OSBPL10: variants seen among roughly 807,000 people sequenced by gnomAD.
OSBPL10 encodes the protein oxysterol binding protein like 10.
Under a neutral mutation model 81.7 loss-of-function variants are expected in OSBPL10, and 49 were observed. The observed-to-expected ratio is 0.60, with a 90% CI of 0.48 to 0.76. The LOEUF is 0.76. OSBPL10 is among the 30% of genes least tolerant of loss of function. OSBPL10 has a pLI of 0.00. For missense variants in OSBPL10, 923 were observed against 987.8 expected, an observed-to-expected ratio of 0.93 and a Z score of 0.88; for synonymous variants, 419 against 383.6, an observed-to-expected ratio of 1.09 and a Z score of -1.08.
chr3:31,729,909 C>A (rs1355866354), intron 6 of OSBPL10, among the ~76,000 whole-genome samples: 1 of 152,206 alleles, frequency 6.6e-6, no homozygotes, highest in East Asian at 1.9e-4. Context: ...CCACTGCCTG[C>A]CAGCAGCACG....
chr3:32,002,736 A>G (rs773965107), intron 2 of OSBPL10, among the ~76,000 whole-genome samples: 13 of 152,214 alleles, frequency 8.5e-5, no homozygotes, highest in Non-Finnish European at 1.6e-4. Context: ...AGAAGGCACT[A>G]CTCACTCCAA....
intron 1 of OSBPL10, among the ~76,000 whole-genome samples, chr3:31,881,995 C>T (rs1041873952): frequency 6.6e-6 from 1 of 152,216 alleles, no homozygotes; most frequent in African/African-American, 2.4e-5. Context: ...CAAGTCCTTC[C>T]TTGTAACTTC....
intron 10 of OSBPL10, among the ~76,000 whole-genome samples, chr3:31,664,886 A>T (rs1294181751): frequency 1.3e-5 from 2 of 152,130 alleles, no homozygotes; most frequent in Admixed American, 6.5e-5. Context: ...TGTAGAACGC[A>T]GCCTAAAGGT....
At chr3:31,950,676 C>A (rs1017328808) in intron 1 of OSBPL10, among the ~76,000 whole-genome samples, 1 of 152,300 alleles carries the variant, frequency 6.6e-6, no homozygotes. Context: ...AGGGGAGGCA[C>A]TTGGGTCATG....
At chr3:31,684,262 A>G in intron 7 of OSBPL10, 148 bp from the exon 8 acceptor site, 4 of 1,043,388 alleles carry the variant, frequency 3.8e-6, no homozygotes, top group Non-Finnish European at 2.7e-6. Context: ...CACATGACAA[A>G]CCAAGGGAAA....
chr3:31,842,253 C>G (rs1181293737), intron 3 of OSBPL10, among the ~76,000 whole-genome samples: 2 of 152,188 alleles, frequency 1.3e-5, no homozygotes, highest in Non-Finnish European at 2.9e-5. Context: ...CTCCATATCA[C>G]CTTAGCTAAG....
chr3:31,811,092 G>C (rs1699666958), intron 4 of OSBPL10, among the ~76,000 whole-genome samples: 1 of 151,110 alleles, frequency 6.6e-6, no homozygotes, highest in African/African-American at 2.4e-5. Context: ...GTCAAAACAG[G>C]AAAAAGGCGC....
At chr3:32,046,613 GA>G (rs1353600745) in intron 1 of OSBPL10, 3 of 152,204 alleles carry the variant, frequency 2.0e-5, no homozygotes, top group African/African-American at 7.2e-5. Context: ...GCTGTGGAAG[GA>G]AAGCAAGAGA....
chr3:32,009,484 G>T (rs1699232962), intron 2 of OSBPL10, among the ~76,000 whole-genome samples: 1 of 152,070 alleles, frequency 6.6e-6, no homozygotes, highest in Non-Finnish European at 1.5e-5. Flanking sequence ...TTCCACACAG[G>T]GCTACAAGGA....
At chr3:31,885,235 CTATACA>C (rs931809620) in intron 1 of OSBPL10, among the ~76,000 whole-genome samples, 6 of 152,202 alleles carry the variant, frequency 3.9e-5, no homozygotes, top group African/African-American at 1.4e-4. Flanking sequence ...CTCACACACA[CTATACA>C]TATAAACACA....
At chr3:31,795,485 AG>A (rs1199094739) in intron 4 of OSBPL10, 1 of 178,514 alleles carries the variant, frequency 5.6e-6, no homozygotes, top group Non-Finnish European at 1.3e-5. Flanking sequence ...TTGTTCCACC[AG>A]AAGCTTTTCA....
At chr3:31,756,780 T>G (rs1423688480) in intron 4 of OSBPL10, among the ~76,000 whole-genome samples, 1 of 152,186 alleles carries the variant, frequency 6.6e-6, no homozygotes, top group Non-Finnish European at 1.5e-5. Flanking sequence ...CATTTGAAAT[T>G]TTTCATAACA....
intron 3 of OSBPL10, among the ~76,000 whole-genome samples, chr3:31,853,491 G>A (rs968652554): frequency 6.6e-6 from 1 of 152,026 alleles, no homozygotes; most frequent in Non-Finnish European, 1.5e-5. Context: ...GGTCAATGCT[G>A]GGCAGAAAGA....
intron 2 of OSBPL10, chr3:31,990,327 T>C (rs780055040): frequency 3.1e-6 from 5 of 1,614,012 alleles, no homozygotes; most frequent in Middle Eastern, 3.3e-4. Context: ...TTGCAAATCA[T>C]TGGAGAATCC....
At chr3:31,694,576 T>C (rs139382581) in intron 7 of OSBPL10, among the ~76,000 whole-genome samples, 1 of 152,228 alleles carries the variant, frequency 6.6e-6, no homozygotes, top group African/African-American at 2.4e-5. Context: ...CAGCAAGGAG[T>C]TGGGGTATCA....
chr3:31,852,358 G>C (rs1424837158), intron 3 of OSBPL10, among the ~76,000 whole-genome samples: 1 of 152,112 alleles, frequency 6.6e-6, no homozygotes, highest in African/African-American at 2.4e-5. Flanking sequence ...GGGATGTGCT[G>C]AACATCCTAC....
At chr3:31,781,115 A>G (rs1224929008) in intron 4 of OSBPL10, among the ~76,000 whole-genome samples, 1 of 152,218 alleles carries the variant, frequency 6.6e-6, no homozygotes, top group Non-Finnish European at 1.5e-5. Flanking sequence ...ATAATACATA[A>G]TGATCAACTG....
chr3:32,027,217 C>A (rs1289172107), intron 2 of OSBPL10, among the ~76,000 whole-genome samples: 1 of 152,048 alleles, frequency 6.6e-6, no homozygotes, highest in Non-Finnish European at 1.5e-5. Context: ...GTGTGATGTT[C>A]CCCTCCCTGT....
intron 4 of OSBPL10, among the ~76,000 whole-genome samples, chr3:31,756,396 A>C (rs1479854329): frequency 6.6e-6 from 1 of 152,170 alleles, no homozygotes; most frequent in Non-Finnish European, 1.5e-5. Flanking sequence ...CCGATTACAA[A>C]AGGCTGGCTC....
Sources: gnomAD v4.1 joint callset for allele counts (sites outside exome capture counted in the v4.1 genomes callset) on GRCh38, gnomAD v4.1.1 for gene constraint, MANE v1.5 for transcripts, NCBI Gene and HGNC (gene_info 2026-07-23, HGNC 2026-07-21) for gene names.